Variants in TAFA4 observed in about 807,000 individuals in gnomAD.
TAFA4 encodes the protein chemokine-like protein TAFA-4.
Under a neutral mutation model 21.1 loss-of-function variants are expected in TAFA4, and 20 were observed. The ratio of observed to expected loss-of-function variants is 0.95; its 90% CI spans 0.67 to 1.38. The LOEUF (loss-of-function observed/expected upper bound fraction) is 1.38, where lower values mean the gene tolerates loss of function less well. Ranked by LOEUF, TAFA4 falls within the 40% of genes most tolerant of loss-of-function variation. The pLI is 0.00. For synonymous variants in TAFA4, 71 were observed against 67.4 expected, an observed-to-expected ratio of 1.05 and a Z score of -0.26; for missense variants, 211 against 180.9, an observed-to-expected ratio of 1.17 and a Z score of -0.95.
In TAFA4 at chr3:68,814,086, C is replaced by T. The variant is rs558861641; in HGVS notation, c.131-61068G>A. Among the ~76,000 whole-genome samples, 55 of 152,226 alleles carry T rather than the reference C, an allele frequency of 3.6e-4. 1 individual carries two copies. In the East Asian group the frequency reaches 6.9e-3, roughly 19 times the overall value. On this transcript the variant is annotated intron_variant, in intron 3 of 5. Transcript: ENST00000295569. ...AAAACCACATGATTATCTCAACAGA[C>T]GCAGAAAAGGCCTTTGACAAAATTC...
chr3:68,762,308 T>A lies in TAFA4; in HGVS notation c.131-9290A>T, dbSNP rs1702771010. ...TGTAGACAATAACTATAATGACTAT[T>A]TGAGAAATGGTGTTATCAAGGCAAG... On this transcript the variant is annotated intron_variant, in intron 3 of 5. Coordinates refer to ENST00000295569, the MANE Select transcript of TAFA4 (RefSeq NM_182522.5). Among the ~76,000 whole-genome samples the A allele has an allele frequency of 2.0e-5, 3 of 151,968 alleles. No homozygotes were observed. The South Asian group carries it at 6.2e-4, about 32-fold the overall frequency.
intron 3 of TAFA4, among the ~76,000 whole-genome samples, chr3:68,787,073 A>G (rs1305704951): frequency 6.6e-6 from 1 of 152,222 alleles, no homozygotes; most frequent in Non-Finnish European, 1.5e-5. Flanking sequence ...ATGAAGATAT[A>G]AAACCTCACA....
intron 4 of TAFA4, among the ~76,000 whole-genome samples, chr3:68,744,032 T>C (rs1412665921): frequency 2.0e-5 from 3 of 152,212 alleles, no homozygotes; most frequent in African/African-American, 7.2e-5. Flanking sequence ...AAAAGTTACA[T>C]AAATGTTGAC....
At chr3:68,916,257 G>A (rs1216385354) in intron 1 of TAFA4, 1 of 152,210 alleles carries the variant, frequency 6.6e-6, no homozygotes, top group African/African-American at 2.4e-5. Context: ...ATTTATTTGA[G>A]AATAAGTTGT....
At chr3:68,929,835 G>C (rs1294680163) in intron 1 of TAFA4, among the ~76,000 whole-genome samples, 1 of 152,202 alleles carries the variant, frequency 6.6e-6, no homozygotes, top group Non-Finnish European at 1.5e-5. Flanking sequence ...GTGCCAAAAA[G>C]ACTTCCTTCT....
chr3:68,783,453 C>T (rs1035889111), intron 3 of TAFA4, among the ~76,000 whole-genome samples: 1 of 152,046 alleles, frequency 6.6e-6, no homozygotes, highest in African/African-American at 2.4e-5. Context: ...AAAGACCAAA[C>T]TGAGATGAGG....
intron 3 of TAFA4, among the ~76,000 whole-genome samples, chr3:68,849,569 T>C (rs1173404529): frequency 6.6e-6 from 1 of 152,190 alleles, no homozygotes; most frequent in Non-Finnish European, 1.5e-5. Flanking sequence ...TAAAGCCATC[T>C]TGGACCCTTC....
chr3:68,846,350 G>T (rs980686223), intron 3 of TAFA4, among the ~76,000 whole-genome samples: 3 of 151,834 alleles, frequency 2.0e-5, no homozygotes, highest in Non-Finnish European at 4.4e-5. Context: ...CTTGTGCTGT[G>T]TTTTTCAGCT....
rs191715671 is a variant in TAFA4, at chr3:68,888,322, C to G, written c.-122-3012G>C. Among the ~76,000 whole-genome samples the G allele has an allele frequency of 1.9e-3, 287 of 152,168 alleles. 1 individual carries two copies. Among genetic ancestry groups the G allele is most frequent in the Non-Finnish European group, 2.6e-3 (177 of 68,002 alleles). ...TGGCCCTTACCGTCCATATTTCTAA[C>G]AACATTCTGATCACAACCTCTTAAG... On this transcript the variant is annotated intron_variant, in intron 1 of 5. Coordinates refer to ENST00000295569, the MANE Select transcript of TAFA4 (RefSeq NM_182522.5).
At chr3:68,810,656 G>A (rs1460887324) in intron 3 of TAFA4, among the ~76,000 whole-genome samples, 1 of 151,640 alleles carries the variant, frequency 6.6e-6, no homozygotes, top group Non-Finnish European at 1.5e-5. Flanking sequence ...GGCTTGAGTA[G>A]GTAAACAAAG....
intron 3 of TAFA4, among the ~76,000 whole-genome samples, chr3:68,874,920 T>G (rs1489624242): frequency 1.3e-5 from 2 of 152,138 alleles, no homozygotes; most frequent in African/African-American, 4.8e-5. Flanking sequence ...ATATGAACAC[T>G]GCATATAATG....
intron 3 of TAFA4, among the ~76,000 whole-genome samples, chr3:68,832,795 G>A (rs1158896295): frequency 3.9e-5 from 6 of 152,354 alleles, no homozygotes. Context: ...CTCCAGAGGC[G>A]GAATCTAGAG....
intron 1 of TAFA4, among the ~76,000 whole-genome samples, chr3:68,898,223 A>G (rs371263341): frequency 1.3e-5 from 2 of 152,352 alleles, no homozygotes; most frequent in South Asian, 2.1e-4. Flanking sequence ...ATTAAAATCA[A>G]CTTGTTATGT....
At chr3:68,806,426 CTA>C in intron 3 of TAFA4, among the ~76,000 whole-genome samples, 1 of 152,236 alleles carries the variant, frequency 6.6e-6, no homozygotes, top group East Asian at 1.9e-4. Context: ...GTTTATCATT[CTA>C]TGTTACATAT....
chr3:68,875,171 G>C (rs1461229257), intron 3 of TAFA4, among the ~76,000 whole-genome samples: 1 of 151,948 alleles, frequency 6.6e-6, no homozygotes, highest in East Asian at 1.9e-4. Flanking sequence ...GACTGAAATG[G>C]AGACATCACC....
intron 1 of TAFA4, among the ~76,000 whole-genome samples, chr3:68,899,393 C>T (rs2089822888): frequency 3.3e-5 from 5 of 151,994 alleles, no homozygotes; most frequent in East Asian, 3.9e-4. Flanking sequence ...CAATAATATA[C>T]CCTGGATTTT....
chr3:68,803,820 T>G (rs1316444417), intron 3 of TAFA4, among the ~76,000 whole-genome samples: 5 of 145,392 alleles, frequency 3.4e-5, no homozygotes, highest in African/African-American at 1.0e-4. Flanking sequence ...TTTTTTTTTT[T>G]GTGAGACAGA....
intron 1 of TAFA4, among the ~76,000 whole-genome samples, chr3:68,909,441 C>A (rs1030899406): frequency 2.6e-5 from 4 of 152,192 alleles, no homozygotes; most frequent in Non-Finnish European, 5.9e-5. Flanking sequence ...CAAGTAGTCC[C>A]TCAGTAAATA....
At chr3:68,890,481 A>G (rs1016534445) in intron 1 of TAFA4, among the ~76,000 whole-genome samples, 6 of 152,220 alleles carry the variant, frequency 3.9e-5, no homozygotes. Context: ...CTTTCATCCA[A>G]GCCTCCAGAG....
Sources: allele counts gnomAD v4.1 joint callset (sites outside exome capture counted in the v4.1 genomes callset), GRCh38; gene constraint gnomAD v4.1.1; transcripts MANE v1.5; gene names NCBI Gene and HGNC (gene_info 2026-07-23, HGNC 2026-07-21).